The following NFATC4 variants were observed in gnomAD, a reference collection of about 807,000 sequenced individuals.
NFATC4 encodes the protein nuclear factor of activated T-cells, cytoplasmic 4.
A neutral mutation model predicts 73.4 loss-of-function variants in NFATC4; 25 were observed. That is an observed-to-expected ratio of 0.34 (90% confidence interval 0.25 to 0.48). The LOEUF is 0.48. Ranked by LOEUF, NFATC4 falls within the 20% of genes least tolerant of loss-of-function variation. NFATC4 has a pLI of 0.99. For synonymous variants in NFATC4, 523 were observed against 510.3 expected, an observed-to-expected ratio of 1.02 and a Z score of -0.34; for missense variants, 1,130 against 1,203.7, an observed-to-expected ratio of 0.94 and a Z score of 0.91.
chr14:24,374,278 C>G, intron 5 of NFATC4, 48 bp from the exon 6 acceptor site: 1 of 1,566,114 alleles, frequency 6.4e-7, no homozygotes, highest in Non-Finnish European at 8.6e-7. Flanking sequence ...AGGAGGCCAC[C>G]CCTCCATGCC....
chr14:24,375,618 G>A (rs978502161), intron 6 of NFATC4, 42 bp from the exon 7 acceptor site: 1 of 1,549,238 alleles, frequency 6.5e-7, no homozygotes, highest in African/African-American at 1.4e-5. Context: ...AGGGGACAGG[G>A]GCGCTGGAGT....
chr14:24,377,502 G>C lies in NFATC4; in HGVS notation c.2642-136G>C. ...GACGTGTTGGGGAAACTGAGGCCCAGTGGAATAGAAGCCAGTAGAGGAGGA... is the reference window on the plus strand; with the variant it reads ...GACGTGTTGGGGAAACTGAGGCCCACTGGAATAGAAGCCAGTAGAGGAGGA... On this transcript the variant is annotated intron_variant, in intron 9 of 9. Coordinates refer to ENST00000250373, the MANE Select transcript of NFATC4 (RefSeq NM_004554.5). This position sits in a 1 kb window ranked among gnomAD's most constrained non-coding sequence, Gnocchi z 4.2. 1 of 1,482,926 alleles carries C rather than the reference G, an allele frequency of 6.7e-7. No homozygotes were observed. Among genetic ancestry groups the C allele is most frequent in the Non-Finnish European group, 8.9e-7 (1 of 1,119,478 alleles). The allele number at this position is 1,482,926 out of a possible 1,614,324, so 91.9% of individuals were successfully genotyped here.
intron 1 of NFATC4, chr14:24,369,153 A>G: frequency 6.8e-7 from 1 of 1,464,980 alleles, no homozygotes; most frequent in Non-Finnish European, 9.0e-7. Context: ...AATTGGGTTC[A>G]TGTGTGAGTC....
At chr14:24,367,439 G>T, upstream of NFATC4, 1 of 1,535,716 alleles carries the variant, frequency 6.5e-7, no homozygotes, top group African/African-American at 1.4e-5. Flanking sequence ...GGGTGGCTGG[G>T]ACAAGGGCAG....
In NFATC4 at chr14:24,370,567, G is replaced by A. The variant is rs141855863; in HGVS notation, c.1169G>A (p.Arg390Gln). Residue 390 changes from arginine to glutamine, a missense_variant, in exon 2 of 10, where the codon CGG becomes CAG. This residue lies in a region of NFATC4 where 585 missense variants were observed against 574.3 expected (regional missense o/e 1.02). Coordinates refer to ENST00000250373, the MANE Select transcript of NFATC4 (RefSeq NM_004554.5). ...TCCCCACTCGCTTGGTCCAAGGCCC[G>A]GATTGGGGGACACAGCCCTATCTTC... ...VPSPLAWSKA[R>Q]IGGHSPIFRT... The A allele has an allele frequency of 1.9e-5, 31 of 1,611,228 alleles. No individual in the cohort carries two copies. Among genetic ancestry groups the A allele is most frequent in the Non-Finnish European group, 2.5e-5 (29 of 1,177,750 alleles).
chr14:24,374,554 AG>A, intron 6 of NFATC4, 88 bp downstream of exon 6: 9 of 1,343,442 alleles, frequency 6.7e-6, no homozygotes, highest in Non-Finnish European at 9.2e-6. Context: ...TAAACTGGCC[AG>A]TGGAGCCTCA....
rs529681857 is a variant in NFATC4 at position 24,374,475 on chromosome 14, C to A, written c.1873+9C>A. 6 of 1,605,430 alleles carry A rather than the reference C, an allele frequency of 3.7e-6. No individual in the cohort carries two copies. The African/African-American group carries it at 5.3e-5, about 14-fold the overall frequency. ...CATTGAGAGGGGTCCTGGTGAGTAC[C>A]TGCTGGGGAGGGGAGGGCAGGCAGG... On this transcript the variant is annotated intron_variant, in intron 6 of 9. Coordinates refer to ENST00000250373, the MANE Select transcript of NFATC4 (RefSeq NM_004554.5).
At chr14:24,369,113 G>A in intron 1 of NFATC4, 1 of 1,433,588 alleles carries the variant, frequency 7.0e-7, no homozygotes, top group South Asian at 1.5e-5. Flanking sequence ...GCTCCTGCCA[G>A]CGCCGTTTGG....
At position 24,376,691 on chromosome 14, in the gene NFATC4, A is replaced by C. The variant is rs2139313034; in HGVS notation, c.2454A>C (p.Ala818=). ...CCTTTCGGCCGCCTCCTCTTCCTGC[A>C]TCCCCACCGCTTGAAGGCCCCTTCC... ...PAPFRPPPLP[A]SPPLEGPFPS... Residue 818 remains alanine, a synonymous_variant, in exon 9 of 10, where the codon GCA becomes GCC. Transcript: ENST00000250373. This position sits in a 1 kb window ranked among gnomAD's most constrained non-coding sequence, Gnocchi z 5.0. The C allele has an allele frequency of 6.2e-7, 1 of 1,613,582 alleles. No individual in the cohort carries two copies. The highest frequency in any genetic ancestry group is 8.5e-7 in the Non-Finnish European group (1 of 1,179,882).
chr14:24,369,444 C>T (rs1374065780), intron 1 of NFATC4, 55 bp from the exon 2 acceptor site: 2 of 1,611,098 alleles, frequency 1.2e-6, no homozygotes, highest in African/African-American at 1.3e-5. Context: ...ACATAGCCAT[C>T]TCACCTGCTT....
At position 24,368,352 on chromosome 14, in the gene NFATC4, C is replaced by A; in HGVS notation, c.12C>A (p.Ala4=). The A allele has an allele frequency of 7.2e-7, 1 of 1,382,594 alleles. No individual in the cohort carries two copies. Among genetic ancestry groups the A allele is most frequent in the Non-Finnish European group, 9.4e-7 (1 of 1,069,286 alleles). The allele number at this position is 1,382,594 out of a possible 1,614,324, so 85.6% of individuals were successfully genotyped here. Residue 4 remains alanine (A), a synonymous_variant, in exon 1 of 10, where the codon GCC becomes GCA. Coordinates refer to ENST00000250373, the MANE Select transcript of NFATC4 (RefSeq NM_004554.5). ...CTCCTGCCGGATCCATGGGGGCGGCCAGCTGCGAGGATGAGGAGCTGGAAT... is the reference window on the plus strand; with the variant it reads ...CTCCTGCCGGATCCATGGGGGCGGCAAGCTGCGAGGATGAGGAGCTGGAAT... MGA[A]SCEDEELEFK...
At chr14:24,374,515 G>C in intron 6 of NFATC4, 49 bp downstream of exon 6, 2 of 1,556,326 alleles carry the variant, frequency 1.3e-6, no homozygotes, top group Non-Finnish European at 1.7e-6. Context: ...GCTTGGGAGT[G>C]GCAGGTGAAA....
intron 5 of NFATC4, 64 bp from the exon 6 acceptor site, chr14:24,374,262 G>A: frequency 3.2e-6 from 5 of 1,552,490 alleles, no homozygotes; most frequent in Non-Finnish European, 4.3e-6. Flanking sequence ...AAGAGGGTGG[G>A]GACAGAGGAG....
chr14:24,373,097 C>A lies in NFATC4; in HGVS notation c.1360-74C>A. 6.8e-7 allele frequency: 1 copy of A among 1,463,194 alleles called. No homozygotes were observed. Among genetic ancestry groups the A allele is most frequent in the Non-Finnish European group, 9.5e-7 (1 of 1,057,302 alleles). The allele number at this position is 1,463,194 out of a possible 1,614,324, so 90.6% of individuals were successfully genotyped here. A position where few individuals can be genotyped will look rare whatever the true frequency, so the allele number is the denominator to read the frequency against. ...TTCACCATTCCCATCCCATGGTAGACTGAAAATCTAGGGATGAATAAAGGA... is the reference window on the plus strand; with the variant it reads ...TTCACCATTCCCATCCCATGGTAGAATGAAAATCTAGGGATGAATAAAGGA... On this transcript the variant is annotated intron_variant, in intron 3 of 9. Coordinates refer to ENST00000250373, the MANE Select transcript of NFATC4 (RefSeq NM_004554.5). This position sits in a 1 kb window ranked among gnomAD's most constrained non-coding sequence, Gnocchi z 4.7.
chr14:24,372,429 T>TCTCC lies in NFATC4; in HGVS notation c.1197-10_1197-7dup. ...AGGCTGCACATGATCAATGCTCTTC[T>TCTCC]CTCCCACCCAGGACCTCTGCCCTAC... On this transcript the variant is annotated splice_polypyrimidine_tract_variant and intron_variant, in intron 2 of 9. Transcript: ENST00000250373. 2 of 1,611,204 alleles carry TCTCC rather than the reference T, an allele frequency of 1.2e-6. No homozygotes were observed. The highest frequency in any genetic ancestry group is 1.7e-6 in the Non-Finnish European group (2 of 1,179,534).
Position 24,368,300 on chromosome 14 carries a change from C to A in NFATC4, c.-41C>A, listed in dbSNP as rs200387476. The A allele has an allele frequency of 6.5e-6, 9 of 1,378,476 alleles. No individual in the cohort carries two copies. The South Asian group carries it at 1.1e-4, about 17-fold the overall frequency. 85.4% of individuals were successfully genotyped at this position (1,378,476 alleles called of 1,614,324 possible). A position where few individuals can be genotyped will look rare whatever the true frequency, so the allele number is the denominator to read the frequency against. On this transcript the variant is annotated 5_prime_UTR_variant, in exon 1 of 10. Coordinates refer to ENST00000250373, the MANE Select transcript of NFATC4 (RefSeq NM_004554.5). The stretch of plus-strand genomic sequence containing the variant: ...GATACAGCAGCCTCCTGAACTCCCC[C>A]CTCCCACCCAGGCCGGGACCTGGGG...
chr14:24,375,860 G>T, intron 7 of NFATC4, 115 bp from the exon 8 acceptor site: 3 of 1,558,334 alleles, frequency 1.9e-6, no homozygotes, highest in Non-Finnish European at 2.6e-6. Flanking sequence ...TCTAGGGAAT[G>T]AACTTTGCAT....
chr14:24,376,780 G>T lies in NFATC4; in HGVS notation c.2543G>T (p.Gly848Val). Reference sequence around the variant, plus strand: ...TACAATAAGGTAGGGCCAGGCTATGGCCCTGGGGAGGGGGCTCCGGAGCAG... The same window carrying T: ...TACAATAAGGTAGGGCCAGGCTATGTCCCTGGGGAGGGGGCTCCGGAGCAG... ...EGYNKVGPGY[G>V]PGEGAPEQEK... is the part of the protein sequence containing the mutation. Residue 848 changes from glycine to valine, a missense_variant, in exon 9 of 10, where the codon GGC (glycine) becomes GTC (valine). Physicochemically the swap from Gly to Val is moderately radical, Grantham distance 109. This residue lies in a region of NFATC4 where 390 missense variants were observed against 408.1 expected (regional missense o/e 0.96). Transcript: ENST00000250373. This position sits in a 1 kb window ranked among gnomAD's most constrained non-coding sequence, Gnocchi z 5.0. The T allele has an allele frequency of 6.2e-7, 1 of 1,612,940 alleles. No homozygotes were observed. The highest frequency in any genetic ancestry group is 8.5e-7 in the Non-Finnish European group (1 of 1,179,592).
Position 24,373,638 on chromosome 14 carries a change from A to T in NFATC4, c.1560-57A>T. 1.3e-6 allele frequency: 2 copies of T among 1,565,564 alleles called. No homozygotes were observed. Among genetic ancestry groups the T allele is most frequent in the Non-Finnish European group, 1.7e-6 (2 of 1,154,300 alleles). ...AGGGCGGGAACTTCCCTCTTTAGGG[A>T]TGTATCACCATTTTGGCTTCAGCTA... On this transcript the variant is annotated intron_variant, in intron 4 of 9. Transcript: ENST00000250373. The surrounding 1 kb of genome is among the most constrained non-coding windows in gnomAD (Gnocchi z 4.7).
Sources: allele counts gnomAD v4.1 joint callset, GRCh38; gene constraint gnomAD v4.1.1; regional missense constraint gnomAD v4.1.1; non-coding constraint Gnocchi (gnomAD v3.1); transcripts MANE v1.5; gene names NCBI Gene and HGNC (gene_info 2026-07-23, HGNC 2026-07-21).